TAB2: variants seen among roughly 807,000 people sequenced by gnomAD.
TAB2 encodes the protein TGF-beta activated kinase 1 (MAP3K7) binding protein 2, also known as TGF-beta-activated kinase 1 and MAP3K7-binding protein 2.
A neutral mutation model predicts 65.0 loss-of-function variants in TAB2; 3 were observed. That is an observed-to-expected ratio of 0.05 (90% CI 0.02 to 0.12). The LOEUF (loss-of-function observed/expected upper bound fraction) is 0.12, where lower values mean the gene tolerates loss of function less well. Among genes scored for constraint, TAB2 ranks in the 10% least tolerant of loss-of-function variants. The pLI, the probability that TAB2 is intolerant of heterozygous loss-of-function variation, is 1.00. For synonymous variants in TAB2, 298 were observed against 285.1 expected (o/e 1.05, Z -0.46); for missense variants, 623 against 840.3 (o/e 0.74, Z 3.20).
chr6:149,376,289 AC>A (rs1781394171), intron 2 of TAB2, among the ~76,000 whole-genome samples: 1 of 152,014 alleles, frequency 6.6e-6, no homozygotes. Context: ...TTGTGTCTTT[AC>A]TTCTCTGTTC....
intron 1 of TAB2, among the ~76,000 whole-genome samples, chr6:149,240,944 A>G (rs532317666): frequency 1.1e-3 from 160 of 152,276 alleles, no homozygotes; most frequent in African/African-American, 3.7e-3. Context: ...TTATGGAGGT[A>G]ATTAAGGTAA....
chr6:149,358,640 CTGTGTGTGTGTG>C (rs370116039), intron 1 of TAB2, among the ~76,000 whole-genome samples: 2 of 121,634 alleles, frequency 1.6e-5, no homozygotes, highest in Admixed American at 9.1e-5. Flanking sequence ...CTTCAGAACT[CTGTGTGTGTGTG>C]TGTGTGTGTG....
intron 1 of TAB2, chr6:149,246,384 T>C (rs1368618195): frequency 6.6e-6 from 1 of 152,240 alleles, no homozygotes; most frequent in African/African-American, 2.4e-5. Flanking sequence ...ATGAAACAAT[T>C]TCCAGAAAAT....
At chr6:149,384,086 G>T (rs189453784) in intron 3 of TAB2, among the ~76,000 whole-genome samples, 23 of 152,244 alleles carry the variant, frequency 1.5e-4, no homozygotes, top group African/African-American at 4.8e-4. Flanking sequence ...AAAAAGAAAA[G>T]AAATATCTCG....
chr6:149,223,797 T>C (rs1777208478), intron 1 of TAB2, among the ~76,000 whole-genome samples: 1 of 152,180 alleles, frequency 6.6e-6, no homozygotes, highest in African/African-American at 2.4e-5. Flanking sequence ...ATACCATCCC[T>C]AGTTTAAACC....
chr6:149,244,574 C>T (rs543995057), intron 1 of TAB2: 224 of 152,558 alleles, frequency 1.5e-3, no homozygotes, highest in Middle Eastern at 3.4e-3. Flanking sequence ...ACAGGCTGGG[C>T]GCAGTGGCTC....
intron 1 of TAB2, among the ~76,000 whole-genome samples, chr6:149,368,449 C>A (rs1488364696): frequency 6.6e-6 from 1 of 152,062 alleles, no homozygotes. Context: ...ACAACCCTTT[C>A]CAGGAGTTTT....
intron 1 of TAB2, among the ~76,000 whole-genome samples, chr6:149,369,140 G>A (rs1418336485): frequency 6.6e-6 from 1 of 152,020 alleles, no homozygotes; most frequent in Non-Finnish European, 1.5e-5. Context: ...ATTTTATTTA[G>A]GTTAATGTAC....
At chr6:149,334,759 C>T (rs1263678228) in intron 1 of TAB2, among the ~76,000 whole-genome samples, 1 of 151,560 alleles carries the variant, frequency 6.6e-6, no homozygotes, top group Non-Finnish European at 1.5e-5. Flanking sequence ...CCAGATAACA[C>T]ATACTTGAAC....
At chr6:149,371,407 T>C (rs1036888010) in intron 2 of TAB2, among the ~76,000 whole-genome samples, 6 of 152,182 alleles carry the variant, frequency 3.9e-5, no homozygotes, top group Non-Finnish European at 8.8e-5. Flanking sequence ...CCTGGCTGTT[T>C]CTACACCCTG....
intron 2 of TAB2, 23 bp downstream of exon 2, chr6:149,370,122 A>G: frequency 6.3e-7 from 1 of 1,585,182 alleles, no homozygotes; most frequent in Admixed American, 1.7e-5. Context: ...TGATTTCTGA[A>G]TTTGTTAATA....
intron 1 of TAB2, among the ~76,000 whole-genome samples, chr6:149,259,316 C>T (rs538404225): frequency 3.6e-4 from 53 of 147,872 alleles, no homozygotes; most frequent in Middle Eastern, 6.9e-3. Context: ...AGAAAGGCTG[C>T]CTATAGCACG....
intron 6 of TAB2, among the ~76,000 whole-genome samples, chr6:149,399,580 C>T (rs746932012): frequency 3.6e-4 from 54 of 150,018 alleles, no homozygotes; most frequent in Non-Finnish European, 6.8e-4. Flanking sequence ...TTTAAGTAAT[C>T]AAAATACCCT....
intron 6 of TAB2, among the ~76,000 whole-genome samples, chr6:149,407,696 A>C (rs1782712479): frequency 6.6e-6 from 1 of 152,108 alleles, no homozygotes; most frequent in African/African-American, 2.4e-5. Context: ...AGCTAAAATT[A>C]AATGTGTTTA....
intron 1 of TAB2, among the ~76,000 whole-genome samples, chr6:149,287,132 A>G (rs1778690517): frequency 6.6e-6 from 1 of 152,090 alleles, no homozygotes; most frequent in African/African-American, 2.4e-5. Context: ...CGAAACAAAA[A>G]CAAAAAAATT....
intron 1 of TAB2, among the ~76,000 whole-genome samples, chr6:149,254,150 A>AAAGGAAAGGAAAGAAAAGG (rs1554254318): frequency 5.5e-5 from 8 of 145,796 alleles, no homozygotes; most frequent in South Asian, 2.2e-4. Flanking sequence ...GAAAGGAAAG[A>AAAGGAAAGGAAAGAAAAGG]AAAGGAAAGG....
intron 1 of TAB2, among the ~76,000 whole-genome samples, chr6:149,333,673 T>C (rs1383300991): frequency 2.6e-5 from 4 of 152,014 alleles, no homozygotes; most frequent in East Asian, 3.9e-4. Context: ...ATTGGGTATT[T>C]TTAAAACCAT....
At chr6:149,305,387 A>C (rs1282897264) in intron 1 of TAB2, among the ~76,000 whole-genome samples, 2 of 152,174 alleles carry the variant, frequency 1.3e-5, no homozygotes, top group African/African-American at 4.8e-5. Context: ...GAAATCCTGC[A>C]TTAGTTTGTC....
At chr6:149,381,484 G>A (rs1469901855) in intron 3 of TAB2, among the ~76,000 whole-genome samples, 4 of 150,348 alleles carry the variant, frequency 2.7e-5, no homozygotes, top group African/African-American at 7.3e-5. Context: ...TTCATATTTA[G>A]TGATATTAAA....
Sources: allele counts gnomAD v4.1 joint callset (sites outside exome capture counted in the v4.1 genomes callset), GRCh38; gene constraint gnomAD v4.1.1; transcripts MANE v1.5; gene names NCBI Gene and HGNC (gene_info 2026-07-23, HGNC 2026-07-21).